WFDC8: variants seen among roughly 807,000 people sequenced by gnomAD.
WFDC8 encodes the protein WAP four-disulfide core domain 8, also known as WAP four-disulfide core domain protein 8.
In WFDC8, 24 loss-of-function variants were observed where a neutral mutation model predicts 27.0. That is an observed-to-expected ratio of 0.89 (90% CI 0.64 to 1.25). The LOEUF (loss-of-function observed/expected upper bound fraction) is 1.25, where lower values mean the gene tolerates loss of function less well. WFDC8 is among the 50% of genes most tolerant of loss of function. The pLI, the probability that WFDC8 is intolerant of heterozygous loss-of-function variation, is 0.00. For missense variants in WFDC8, 287 were observed against 295.9 expected, an observed-to-expected ratio of 0.97 and a Z score of 0.22; for synonymous variants, 106 against 99.7, an observed-to-expected ratio of 1.06 and a Z score of -0.38.
intron 1 of WFDC8, among the ~76,000 whole-genome samples, chr20:45,573,504 C>A (rs1039705384): frequency 2.0e-5 from 3 of 152,162 alleles, no homozygotes; most frequent in African/African-American, 7.2e-5. Flanking sequence ...CACCTGTATA[C>A]CTTTGCATAC....
rs142273330 is a variant in WFDC8, at chr20:45,564,932, G to T, written c.27-2713C>A. ...AAAAAAGAAGAAAGAGAGAGTGAAAGAAAGGAAAGAAAGAAAGAAGGAAGG... is the reference window on the plus strand; with the variant it reads ...AAAAAAGAAGAAAGAGAGAGTGAAATAAAGGAAAGAAAGAAAGAAGGAAGG... On this transcript the variant is annotated intron_variant, in intron 1 of 5. Coordinates refer to ENST00000289953, the MANE Select transcript of WFDC8 (RefSeq NM_130896.3). 1.5e-3 allele frequency among the ~76,000 whole-genome samples: 195 copies of T among 133,714 alleles called. 1 individual carries two copies. Among genetic ancestry groups the T allele is most frequent in the African/African-American group, 5.0e-3 (181 of 36,164 alleles). The allele number at this position is 133,714 out of a possible 152,430, so 87.7% of individuals were successfully genotyped here. A position where few individuals can be genotyped will look rare whatever the true frequency, so the allele number is the denominator to read the frequency against.
At chr20:45,564,137 A>G (rs992976144) in intron 1 of WFDC8, among the ~76,000 whole-genome samples, 1 of 152,238 alleles carries the variant, frequency 6.6e-6, no homozygotes, top group African/African-American at 2.4e-5. Context: ...TACAAAACAC[A>G]GGTCTTATAG....
chr20:45,553,017 A>G (rs1980096495), intron 5 of WFDC8, 119 bp downstream of exon 5: 3 of 1,262,560 alleles, frequency 2.4e-6, no homozygotes, highest in Non-Finnish European at 3.3e-6. Context: ...GTTCCCAAAG[A>G]TCCTCAAAGA....
At chr20:45,554,886 A>G (rs1980181748) in intron 4 of WFDC8, among the ~76,000 whole-genome samples, 1 of 152,188 alleles carries the variant, frequency 6.6e-6, no homozygotes, top group South Asian at 2.1e-4. Context: ...AGTGGTAGTG[A>G]TGGTACATTT....
intron 3 of WFDC8, among the ~76,000 whole-genome samples, chr20:45,556,446 A>G (rs1301037091): frequency 2.0e-5 from 3 of 152,226 alleles, no homozygotes; most frequent in Admixed American, 2.0e-4. Flanking sequence ...ACAACTTGCA[A>G]CATCAACAAC....
chr20:45,559,086 A>G (rs985943599), intron 2 of WFDC8, 94 bp from the exon 3 acceptor site: 3 of 1,488,436 alleles, frequency 2.0e-6, no homozygotes, highest in South Asian at 2.5e-5. Context: ...TCTCAGCCCT[A>G]TCCTCTACCT....
intron 5 of WFDC8, 41 bp downstream of exon 5, chr20:45,553,095 A>T: frequency 6.3e-7 from 1 of 1,586,904 alleles, no homozygotes; most frequent in Non-Finnish European, 8.6e-7. Flanking sequence ...CATCCTTGGC[A>T]CATGCCCAAT....
rs1228225520 is a variant in WFDC8 at position 45,562,236 on chromosome 20, A to G, written c.27-17T>C. The G allele has an allele frequency of 1.9e-6, 3 of 1,603,784 alleles. No individual in the cohort carries two copies. In the African/African-American group the frequency reaches 4.0e-5, roughly 21 times the overall value. ...GGAAAGTGCCTGTATGGATGAGAAG[A>G]GAGGTGGGAGTTAAGCACAATCCAG... On this transcript the variant is annotated splice_polypyrimidine_tract_variant and intron_variant, in intron 1 of 5. Transcript: ENST00000289953.
At chr20:45,568,082 G>A in intron 1 of WFDC8, 1 of 362,340 alleles carries the variant, frequency 2.8e-6, no homozygotes, top group Non-Finnish European at 5.6e-6. Flanking sequence ...CTGTTGCTGT[G>A]CGCAGGTGCT....
At chr20:45,560,982 G>A (rs2145567319) in intron 2 of WFDC8, among the ~76,000 whole-genome samples, 1 of 152,310 alleles carries the variant, frequency 6.6e-6, no homozygotes, top group East Asian at 1.9e-4. Context: ...CCAGGAGATA[G>A]GCTGTTACTT....
At chr20:45,557,174 G>C (rs2145564056) in intron 3 of WFDC8, among the ~76,000 whole-genome samples, 1 of 152,276 alleles carries the variant, frequency 6.6e-6, no homozygotes, top group Non-Finnish European at 1.5e-5. Flanking sequence ...AGGCTACAAA[G>C]TTTTGCTTCA....
chr20:45,560,488 A>G (rs1382346153), intron 2 of WFDC8, among the ~76,000 whole-genome samples: 1 of 152,230 alleles, frequency 6.6e-6, no homozygotes. Flanking sequence ...ATGTGTCTCC[A>G]TGATTCTAAA....
At chr20:45,555,181 C>T (rs1211647291) in intron 4 of WFDC8, among the ~76,000 whole-genome samples, 1 of 152,208 alleles carries the variant, frequency 6.6e-6, no homozygotes, top group Non-Finnish European at 1.5e-5. Flanking sequence ...GGTCATTTGA[C>T]TCCTAAGTTT....
intron 1 of WFDC8, among the ~76,000 whole-genome samples, chr20:45,578,922 C>T (rs1008460393): frequency 6.6e-6 from 1 of 152,122 alleles, no homozygotes; most frequent in Non-Finnish European, 1.5e-5. Context: ...GCCTGGCCAA[C>T]ATGGTGAAAC....
At chr20:45,579,070 A>T (rs1981144388) in intron 1 of WFDC8, 152 bp downstream of exon 1, 3 of 729,796 alleles carry the variant, frequency 4.1e-6, no homozygotes, top group Admixed American at 2.3e-5. Context: ...CTGATTCCTG[A>T]CACAAGACAG....
At chr20:45,568,727 G>C in intron 1 of WFDC8, 1 of 524,288 alleles carries the variant, frequency 1.9e-6, no homozygotes, top group Non-Finnish European at 3.9e-6. Flanking sequence ...TGTGAGAGCA[G>C]ATGGTGACCC....
rs891789947 is a variant in WFDC8 at position 45,552,996 on chromosome 20, C to G, written c.586+140G>C. 1.0e-5 allele frequency: 10 copies of G among 985,248 alleles called. No homozygotes were observed. In the South Asian group the frequency reaches 1.8e-4, roughly 17 times the overall value. 61.0% of individuals were successfully genotyped at this position (985,248 alleles called of 1,614,324 possible). On this transcript the variant is annotated intron_variant, in intron 5 of 5. Transcript: ENST00000289953. ...CAAGAGGTCAATATAACTTGTTGGG[C>G]ATTAAAAGGGGTTCCCAAAGATCCT...
intron 2 of WFDC8, among the ~76,000 whole-genome samples, chr20:45,561,634 A>T (rs1422199206): frequency 6.6e-6 from 1 of 151,356 alleles, no homozygotes; most frequent in Non-Finnish European, 1.5e-5. Flanking sequence ...TCAGCACCTG[A>T]TCTCACCCCT....
intron 1 of WFDC8, chr20:45,568,494 T>C (rs774249728): frequency 3.0e-5 from 10 of 328,460 alleles, no homozygotes; most frequent in Admixed American, 1.4e-4. Flanking sequence ...TTTCCTGAAA[T>C]TGTATTCTTG....
Sources: gnomAD v4.1 joint callset for allele counts (sites outside exome capture counted in the v4.1 genomes callset) on GRCh38, gnomAD v4.1.1 for gene constraint, MANE v1.5 for transcripts, NCBI Gene and HGNC (gene_info 2026-07-23, HGNC 2026-07-21) for gene names.